Variants in NTM observed in about 807,000 individuals in gnomAD.
The protein encoded by NTM is neurotrimin.
Under a neutral mutation model 42.1 loss-of-function variants are expected in NTM, and 13 were observed. The ratio of observed to expected loss-of-function variants is 0.31; its 90% CI spans 0.20 to 0.49. The LOEUF (loss-of-function observed/expected upper bound fraction) is 0.49. NTM is among the 20% of genes least tolerant of loss of function. The probability of loss-of-function intolerance (pLI) is 0.99; values close to 1 mark genes in which losing one functional copy is unlikely to be tolerated. For missense variants in NTM, 373 were observed against 452.8 expected (o/e 0.82, Z 1.60); for synonymous variants, 187 against 179.2 (o/e 1.04, Z -0.35).
intron 1 of NTM, among the ~76,000 whole-genome samples, chr11:131,476,729 C>T (rs1322436228): frequency 1.3e-5 from 2 of 152,148 alleles, no homozygotes; most frequent in Non-Finnish European, 2.9e-5. Context: ...TAAGAGGGAA[C>T]ACTTTGAAAA....
At chr11:131,987,506 T>G (rs2066274681) in intron 2 of NTM, among the ~76,000 whole-genome samples, 1 of 152,120 alleles carries the variant, frequency 6.6e-6, no homozygotes, top group Non-Finnish European at 1.5e-5. Flanking sequence ...AGTAAACAAA[T>G]GTATTGCAAT....
chr11:131,906,270 C>T (rs1409462690), intron 1 of NTM, among the ~76,000 whole-genome samples: 1 of 152,136 alleles, frequency 6.6e-6, no homozygotes, highest in African/African-American at 2.4e-5. Flanking sequence ...GATGATGCAG[C>T]AGCAGGAGTT....
chr11:131,416,488 T>A (rs1218071858), intron 1 of NTM, among the ~76,000 whole-genome samples: 1 of 152,224 alleles, frequency 6.6e-6, no homozygotes, highest in African/African-American at 2.4e-5. Flanking sequence ...ATAGCCTGTC[T>A]GCCACCTTCA....
chr11:131,832,819 G>T (rs1308855003), intron 1 of NTM, among the ~76,000 whole-genome samples: 1 of 152,130 alleles, frequency 6.6e-6, no homozygotes, highest in East Asian at 1.9e-4. Context: ...AACACACACA[G>T]GATTAAATAT....
At chr11:132,241,830 T>C (rs1437026414) in intron 4 of NTM, among the ~76,000 whole-genome samples, 1 of 152,240 alleles carries the variant, frequency 6.6e-6, no homozygotes, top group Non-Finnish European at 1.5e-5. Context: ...CCCTGATTTA[T>C]AGTACATTCA....
chr11:132,274,003 T>A (rs1473526575), intron 4 of NTM, among the ~76,000 whole-genome samples: 2 of 152,230 alleles, frequency 1.3e-5, no homozygotes, highest in East Asian at 3.8e-4. Flanking sequence ...ATCTAAGTGA[T>A]CTAGCTTATT....
chr11:132,236,343 G>A lies in NTM; in HGVS notation c.526+24196G>A, dbSNP rs182698301. 2.5e-3 allele frequency among the ~76,000 whole-genome samples: 384 copies of A among 152,146 alleles called. 1 individual carries two copies. Among genetic ancestry groups the A allele is most frequent in the Middle Eastern group, 6.8e-3 (2 of 294 alleles). ...TGGCAATTTTTTAGTAGCTCATATC[G>A]TATCTATAGAAACTAATTTTACTTA... On this transcript the variant is annotated intron_variant, in intron 4 of 8. Transcript: ENST00000683400.
chr11:131,416,207 T>C lies in NTM; in HGVS notation c.82+45319T>C, dbSNP rs538742540. Reference sequence around the variant, plus strand: ...CTTCTTTTCATGTTTTTTTTTTTCTTCCCTTTTCTACACCCAAAGCCAGGG... The same window carrying C: ...CTTCTTTTCATGTTTTTTTTTTTCTCCCCTTTTCTACACCCAAAGCCAGGG... On this transcript the variant is annotated intron_variant, in intron 1 of 8. Coordinates refer to ENST00000683400, the MANE Select transcript of NTM (RefSeq NM_001352005.2). 2.9e-4 allele frequency among the ~76,000 whole-genome samples: 44 copies of C among 152,112 alleles called. 1 individual carries two copies. Among genetic ancestry groups the C allele is most frequent in the African/African-American group, 1.1e-3 (44 of 41,524 alleles).
intron 3 of NTM, among the ~76,000 whole-genome samples, chr11:132,171,200 G>A (rs1168058086): frequency 6.6e-6 from 1 of 152,144 alleles, no homozygotes; most frequent in Non-Finnish European, 1.5e-5. Flanking sequence ...AGCTCACCGA[G>A]GTCAAACAAG....
intron 1 of NTM, among the ~76,000 whole-genome samples, chr11:131,861,936 CCT>C (rs1171103915): frequency 2.0e-5 from 3 of 152,164 alleles, no homozygotes; most frequent in Non-Finnish European, 4.4e-5. Context: ...CTTCACCACT[CCT>C]CTGCACATCC....
At chr11:132,265,082 G>A (rs1358918571) in intron 4 of NTM, among the ~76,000 whole-genome samples, 1 of 152,188 alleles carries the variant, frequency 6.6e-6, no homozygotes, top group Non-Finnish European at 1.5e-5. Context: ...GAGAGGATTA[G>A]CTGCATGTGT....
chr11:132,204,469 G>A (rs2081646421), intron 3 of NTM, among the ~76,000 whole-genome samples: 1 of 152,196 alleles, frequency 6.6e-6, no homozygotes, highest in Non-Finnish European at 1.5e-5. Context: ...GCAGACAGTT[G>A]TGTAGCAAGC....
At chr11:132,051,760 C>T (rs1351030704) in intron 2 of NTM, among the ~76,000 whole-genome samples, 3 of 152,234 alleles carry the variant, frequency 2.0e-5, no homozygotes, top group Non-Finnish European at 2.9e-5. Context: ...ACTCCGTCTA[C>T]AGTTCTGATC....
intron 1 of NTM, among the ~76,000 whole-genome samples, chr11:131,583,226 G>A (rs1035531424): frequency 6.6e-6 from 1 of 152,158 alleles, no homozygotes; most frequent in Non-Finnish European, 1.5e-5. Context: ...GCCCTAGAGA[G>A]TAGAGAAGCC....
intron 1 of NTM, among the ~76,000 whole-genome samples, chr11:131,453,850 C>T (rs567117989): frequency 2.0e-5 from 3 of 152,138 alleles, no homozygotes; most frequent in South Asian, 2.1e-4. Flanking sequence ...CCAGCAGGCT[C>T]GGGGAAGGAG....
At chr11:132,228,774 T>C (rs1294157698) in intron 4 of NTM, among the ~76,000 whole-genome samples, 1 of 152,210 alleles carries the variant, frequency 6.6e-6, no homozygotes, top group African/African-American at 2.4e-5. Flanking sequence ...ACATGTCTTC[T>C]CTCTGCATCA....
chr11:131,916,029 A>G (rs982434968), intron 2 of NTM, among the ~76,000 whole-genome samples: 3 of 152,208 alleles, frequency 2.0e-5, no homozygotes, highest in South Asian at 2.1e-4. Flanking sequence ...CTTGGGTCCA[A>G]CTGGAAAAGC....
At chr11:132,272,881 C>T (rs2093548341) in intron 4 of NTM, among the ~76,000 whole-genome samples, 1 of 152,022 alleles carries the variant, frequency 6.6e-6, no homozygotes, top group African/African-American at 2.4e-5. Context: ...GTCCTGGATA[C>T]AACATAGAGT....
At chr11:131,484,242 T>C (rs1953917845) in intron 1 of NTM, among the ~76,000 whole-genome samples, 1 of 152,216 alleles carries the variant, frequency 6.6e-6, no homozygotes, top group Non-Finnish European at 1.5e-5. Flanking sequence ...TTTTACTGAA[T>C]TCCTCTTATT....
Sources: gnomAD v4.1 joint callset for allele counts (sites outside exome capture counted in the v4.1 genomes callset) on GRCh38, gnomAD v4.1.1 for gene constraint, MANE v1.5 for transcripts, NCBI Gene and HGNC (gene_info 2026-07-23, HGNC 2026-07-21) for gene names.